Variants in CCBE1 observed in about 807,000 individuals in gnomAD.
CCBE1 encodes the protein collagen and calcium-binding EGF domain-containing protein 1.
In CCBE1, 37 loss-of-function variants were observed where a neutral mutation model predicts 50.0. The ratio of observed to expected loss-of-function variants is 0.74; its 90% confidence interval spans 0.57 to 0.97. The LOEUF is 0.97. CCBE1 is among the 50% of genes least tolerant of loss of function. The probability of loss-of-function intolerance (pLI) is 0.00; values close to 1 mark genes in which losing one functional copy is unlikely to be tolerated. For synonymous variants in CCBE1, 234 were observed against 203.7 expected (o/e 1.15, Z -1.27); for missense variants, 538 against 523.8 (o/e 1.03, Z -0.26).
intron 2 of CCBE1, among the ~76,000 whole-genome samples, chr18:59,522,993 C>CTAAAAAAAAAAAAAAAAAAAA (rs1914669526): frequency 1.1e-5 from 1 of 89,222 alleles, no homozygotes; most frequent in Non-Finnish European, 2.2e-5. Context: ...GACTCTGTTT[C>CTAAAAAAAAAAAAAAAAAAAA]AAAAAAAAAA....
At chr18:59,629,976 C>G (rs1227123176) in intron 2 of CCBE1, among the ~76,000 whole-genome samples, 2 of 152,198 alleles carry the variant, frequency 1.3e-5, no homozygotes, top group Admixed American at 1.3e-4. Context: ...ACACTGCAGT[C>G]TGCAGGGAAA....
At chr18:59,531,386 T>C (rs1042595387) in intron 2 of CCBE1, among the ~76,000 whole-genome samples, 7 of 152,044 alleles carry the variant, frequency 4.6e-5, no homozygotes, top group African/African-American at 1.7e-4. Context: ...TTATGGGCTA[T>C]CAAAGCAAGT....
chr18:59,513,425 C>T (rs997888315), intron 2 of CCBE1, among the ~76,000 whole-genome samples: 3 of 152,252 alleles, frequency 2.0e-5, no homozygotes, highest in Non-Finnish European at 4.4e-5. Flanking sequence ...AGGTGTCTCT[C>T]TTGTCTGGCT....
intron 2 of CCBE1, among the ~76,000 whole-genome samples, chr18:59,577,512 G>C (rs1242421551): frequency 6.6e-6 from 1 of 152,178 alleles, no homozygotes; most frequent in East Asian, 1.9e-4. Flanking sequence ...GATCACATTT[G>C]ATGAAAATAT....
chr18:59,579,171 C>T (rs2053046823), intron 2 of CCBE1, among the ~76,000 whole-genome samples: 1 of 152,032 alleles, frequency 6.6e-6, no homozygotes, highest in Non-Finnish European at 1.5e-5. Flanking sequence ...GGTGAGTTAT[C>T]TTTTTTGACA....
intron 2 of CCBE1, among the ~76,000 whole-genome samples, chr18:59,662,387 G>A (rs772200524): frequency 4.6e-5 from 7 of 152,154 alleles, no homozygotes; most frequent in South Asian, 2.1e-4. Flanking sequence ...AATTTACAAC[G>A]TATATTACAA....
chr18:59,695,623 C>A (rs2054794692), intron 2 of CCBE1, among the ~76,000 whole-genome samples: 1 of 152,242 alleles, frequency 6.6e-6, no homozygotes, highest in Non-Finnish European at 1.5e-5. Flanking sequence ...ATGAAATGCT[C>A]TCACCTGCAA....
intron 2 of CCBE1, among the ~76,000 whole-genome samples, chr18:59,516,600 C>T (rs184613076): frequency 3.3e-5 from 5 of 152,292 alleles, no homozygotes; most frequent in Non-Finnish European, 5.9e-5. Flanking sequence ...TTGTTTACCT[C>T]CTGTTATGAC....
intron 2 of CCBE1, among the ~76,000 whole-genome samples, chr18:59,656,993 C>T (rs922632447): frequency 9.9e-5 from 15 of 152,282 alleles, no homozygotes; most frequent in African/African-American, 3.6e-4. Context: ...AATTCATCCC[C>T]TGGGAGCAAT....
intron 5 of CCBE1, chr18:59,464,924 C>T (rs895173249): frequency 6.6e-6 from 1 of 152,468 alleles, no homozygotes; most frequent in Non-Finnish European, 1.5e-5. Context: ...CAGGCCCAGC[C>T]AACCTCTCCC....
rs1041793517 is a variant in CCBE1, at chr18:59,439,532, A to G, written c.951+11T>C. Reference sequence around the variant, plus strand: ...GACCTTTAGCTTGTGAGGACCACTCATAAGGCTTACCTTAGAACCATCTCT... The same window carrying G: ...GACCTTTAGCTTGTGAGGACCACTCGTAAGGCTTACCTTAGAACCATCTCT... On this transcript the variant is annotated intron_variant, in intron 9 of 10. Transcript: ENST00000439986. 1.9e-6 allele frequency: 3 copies of G among 1,614,254 alleles called. No homozygotes were observed. The highest frequency in any genetic ancestry group is 2.5e-6 in the Non-Finnish European group (3 of 1,180,036).
intron 2 of CCBE1, among the ~76,000 whole-genome samples, chr18:59,656,075 G>C (rs954167551): frequency 6.6e-6 from 1 of 152,196 alleles, no homozygotes; most frequent in East Asian, 1.9e-4. Flanking sequence ...CAAGGAGGAG[G>C]AGGTTATCCT....
chr18:59,623,402 C>A (rs1415872994), intron 2 of CCBE1, among the ~76,000 whole-genome samples: 1 of 152,172 alleles, frequency 6.6e-6, no homozygotes, highest in Non-Finnish European at 1.5e-5. Context: ...GTGGTCAGGG[C>A]ACTTATCCAA....
chr18:59,506,624 T>C (rs1913886020), intron 2 of CCBE1, among the ~76,000 whole-genome samples: 1 of 152,164 alleles, frequency 6.6e-6, no homozygotes, highest in African/African-American at 2.4e-5. Flanking sequence ...CCAACCTCAA[T>C]CTCTTTCCTT....
At chr18:59,447,322 G>C (rs1910721723) in intron 7 of CCBE1, among the ~76,000 whole-genome samples, 1 of 152,180 alleles carries the variant, frequency 6.6e-6, no homozygotes, top group Admixed American at 6.5e-5. Flanking sequence ...ACTGGGAGTT[G>C]GGGAAGTGGA....
intron 2 of CCBE1, chr18:59,688,519 G>A (rs550454772): frequency 4.6e-5 from 7 of 152,194 alleles, no homozygotes; most frequent in Non-Finnish European, 8.8e-5. Context: ...TACAAAGCGT[G>A]TGATAATTGA....
At chr18:59,594,559 A>G (rs2053322242) in intron 2 of CCBE1, among the ~76,000 whole-genome samples, 1 of 152,214 alleles carries the variant, frequency 6.6e-6, no homozygotes, top group Non-Finnish European at 1.5e-5. Flanking sequence ...ATGTTTTTCT[A>G]CAAAGTTAAG....
At chr18:59,678,318 C>T (rs1168993117) in intron 2 of CCBE1, among the ~76,000 whole-genome samples, 5 of 152,050 alleles carry the variant, frequency 3.3e-5, no homozygotes, top group Admixed American at 6.5e-5. Flanking sequence ...AAAGTCTTCC[C>T]GGCTGTGGGA....
chr18:59,678,483 C>A (rs888218851), intron 2 of CCBE1, among the ~76,000 whole-genome samples: 2 of 152,138 alleles, frequency 1.3e-5, no homozygotes, highest in Non-Finnish European at 2.9e-5. Flanking sequence ...AACAGACAGA[C>A]TATGACTAGA....
Sources: allele counts gnomAD v4.1 joint callset (sites outside exome capture counted in the v4.1 genomes callset), GRCh38; gene constraint gnomAD v4.1.1; transcripts MANE v1.5; gene names NCBI Gene and HGNC (gene_info 2026-07-23, HGNC 2026-07-21).